The following FAM81A variants were observed in gnomAD, a reference collection of about 807,000 sequenced individuals.
FAM81A encodes protein FAM81A.
Under a neutral mutation model 46.7 loss-of-function variants are expected in FAM81A, and 19 were observed. That is an observed-to-expected ratio of 0.41 (90% CI 0.28 to 0.60). The LOEUF is 0.60. FAM81A is among the 20% of genes least tolerant of loss of function. The pLI is 0.34. For synonymous variants in FAM81A, 183 were observed against 152.9 expected (o/e 1.20, Z -1.45); for missense variants, 377 against 453.5 (o/e 0.83, Z 1.53).
chr15:59,517,397 G>A (rs2082278918), intron 8 of FAM81A, among the ~76,000 whole-genome samples: 1 of 152,160 alleles, frequency 6.6e-6, no homozygotes, highest in African/African-American at 2.4e-5. Context: ...GAAGGTACCC[G>A]AAGACAGATT....
At chr15:59,417,523 T>G (rs996085050) in intron 2 of FAM81A, among the ~76,000 whole-genome samples, 3 of 149,454 alleles carry the variant, frequency 2.0e-5, no homozygotes, top group Non-Finnish European at 4.4e-5. Flanking sequence ...CTGGCCAACA[T>G]GGTGAAACCC....
At chr15:59,444,121 A>G (rs7180626) in intron 1 of FAM81A, 39,424 of 152,250 alleles carry the variant, frequency 0.26, 6,172 homozygotes, top group East Asian at 0.45. Context: ...ATTTCCCTGC[A>G]TAATGGGAGT....
At chr15:59,465,451 T>G (rs1433513453) in intron 3 of FAM81A, among the ~76,000 whole-genome samples, 1 of 152,130 alleles carries the variant, frequency 6.6e-6, no homozygotes, top group Non-Finnish European at 1.5e-5. Flanking sequence ...TTTTGTATTT[T>G]TAGTAGAGAC....
intron 3 of FAM81A, among the ~76,000 whole-genome samples, chr15:59,490,308 C>A (rs931751432): frequency 1.3e-5 from 2 of 151,956 alleles, no homozygotes; most frequent in African/African-American, 4.8e-5. Flanking sequence ...AAAAGAAGAA[C>A]AAAGTGGAGG....
intron 3 of FAM81A, among the ~76,000 whole-genome samples, chr15:59,478,101 C>A (rs1253611296): frequency 1.3e-5 from 2 of 152,146 alleles, no homozygotes; most frequent in African/African-American, 4.8e-5. Flanking sequence ...CTTTCCTTTC[C>A]ATGCCAGTTT....
chr15:59,432,289 AC>A (rs2081223874), intron 2 of FAM81A, among the ~76,000 whole-genome samples: 1 of 152,230 alleles, frequency 6.6e-6, no homozygotes. Flanking sequence ...ACGAATCTTC[AC>A]TCCTTTGCTA....
At chr15:59,476,169 C>A (rs1374795316) in intron 3 of FAM81A, among the ~76,000 whole-genome samples, 1 of 152,020 alleles carries the variant, frequency 6.6e-6, no homozygotes, top group Non-Finnish European at 1.5e-5. Context: ...CTAATCACCT[C>A]TTATAGGCCC....
At chr15:59,482,040 G>C (rs1163765128) in intron 3 of FAM81A, among the ~76,000 whole-genome samples, 1 of 151,994 alleles carries the variant, frequency 6.6e-6, no homozygotes, top group Non-Finnish European at 1.5e-5. Context: ...TCCCACACAT[G>C]CGCAGCCTCT....
intron 2 of FAM81A, among the ~76,000 whole-genome samples, chr15:59,431,621 G>A (rs1041894425): frequency 1.2e-4 from 18 of 148,570 alleles, no homozygotes; most frequent in Non-Finnish European, 2.1e-4. Flanking sequence ...GGCCTCAACC[G>A]CCCCAGTAGC....
chr15:59,431,532 C>G (rs1241174077), intron 2 of FAM81A, among the ~76,000 whole-genome samples: 3 of 135,496 alleles, frequency 2.2e-5, no homozygotes, highest in African/African-American at 8.2e-5. Flanking sequence ...TGCAACCAGC[C>G]TTTTTTTTTT....
At chr15:59,423,666 T>A (rs1453296943) in intron 2 of FAM81A, among the ~76,000 whole-genome samples, 25 of 152,264 alleles carry the variant, frequency 1.6e-4, no homozygotes, top group Non-Finnish European at 1.5e-5. Flanking sequence ...AGGTTAAATA[T>A]TTGGAAATAA....
At chr15:59,466,715 A>G (rs2141664218) in intron 3 of FAM81A, among the ~76,000 whole-genome samples, 1 of 152,060 alleles carries the variant, frequency 6.6e-6, no homozygotes, top group Non-Finnish European at 1.5e-5. Flanking sequence ...GTTTAATTAG[A>G]TCCCATTTGT....
At chr15:59,502,153 TTTTTTC>T (rs199767871) in intron 4 of FAM81A, among the ~76,000 whole-genome samples, 15 of 150,710 alleles carry the variant, frequency 1.0e-4, no homozygotes, top group African/African-American at 2.9e-4. Context: ...TATTTTTTAT[TTTTTTC>T]TTTTTCTTTT....
chr15:59,445,508 A>G (rs1471791797), intron 1 of FAM81A: 1 of 152,128 alleles, frequency 6.6e-6, no homozygotes, highest in East Asian at 1.9e-4. Flanking sequence ...ATAGTTATAA[A>G]ATTAATGTGC....
intron 3 of FAM81A, among the ~76,000 whole-genome samples, chr15:59,467,254 G>C (rs2081626035): frequency 6.6e-6 from 1 of 152,132 alleles, no homozygotes; most frequent in South Asian, 2.1e-4. Context: ...AAAGTCATTG[G>C]TAGCTTGATG....
At chr15:59,440,810 T>C (rs2081289540) in intron 1 of FAM81A, among the ~76,000 whole-genome samples, 1 of 152,180 alleles carries the variant, frequency 6.6e-6, no homozygotes, top group South Asian at 2.1e-4. Flanking sequence ...GCCATTTCCA[T>C]TCTGTCTGGG....
At chr15:59,437,544 T>A (rs2081251726), upstream of FAM81A, among the ~76,000 whole-genome samples, 1 of 151,976 alleles carries the variant, frequency 6.6e-6, no homozygotes, top group Admixed American at 6.5e-5. Context: ...GGGTTCTTCT[T>A]CTCGTCGTGT....
At chr15:59,459,804 C>A in intron 2 of FAM81A, 129 bp from the exon 3 acceptor site, 1 of 1,312,308 alleles carries the variant, frequency 7.6e-7, no homozygotes, top group Non-Finnish European at 1.0e-6. Context: ...AGGCAGAAAT[C>A]CTGCCTCAAA....
intron 1 of FAM81A, among the ~76,000 whole-genome samples, chr15:59,440,730 A>C (rs1323025064): frequency 6.6e-6 from 1 of 152,174 alleles, no homozygotes; most frequent in East Asian, 1.9e-4. Context: ...TGGTCCCTTA[A>C]GCACTTGCTG....
Sources: gnomAD v4.1 joint callset for allele counts (sites outside exome capture counted in the v4.1 genomes callset) on GRCh38, gnomAD v4.1.1 for gene constraint, MANE v1.5 for transcripts, NCBI Gene and HGNC (gene_info 2026-07-23, HGNC 2026-07-21) for gene names.